SGSM3: variants seen among roughly 807,000 people sequenced by gnomAD.
The protein encoded by SGSM3 is RUN and SH3 containing 3.
Under a neutral mutation model 100.5 loss-of-function variants are expected in SGSM3, and 96 were observed. The ratio of observed to expected loss-of-function variants is 0.96; its 90% CI spans 0.81 to 1.13. SGSM3 has a LOEUF of 1.13. SGSM3 is among the 50% of genes most tolerant of loss of function. The pLI is 0.00. For synonymous variants in SGSM3, 483 were observed against 422.8 expected (o/e 1.14, Z -1.75); for missense variants, 1,001 against 1,015.8 (o/e 0.99, Z 0.20).
chr22:40,407,435 T>A lies in SGSM3; in HGVS notation c.1391T>A (p.Met464Lys). 6.2e-7 allele frequency: 1 copy of A among 1,612,842 alleles called. No individual in the cohort carries two copies. The highest frequency in any genetic ancestry group is 1.1e-5 in the South Asian group (1 of 91,072). ...CAGGAGCTGACTCCAGACTATAGCA[T>A]GGAGAGCCACCAGCGGGACCACGAG... Reference protein sequence around the residue: ...CSVELTPDYSMESHQRDHENY... With the variant: ...CSVELTPDYSKESHQRDHENY... The change falls in exon 13 of 22, where the codon ATG becomes AAG. Residue 464 changes from methionine to lysine, a missense_variant. Transcript: ENST00000248929. This position sits in a 1 kb window ranked among gnomAD's most constrained non-coding sequence, Gnocchi z 4.7.
At chr22:40,397,992 A>C (rs2050259031) in intron 1 of SGSM3, among the ~76,000 whole-genome samples, 1 of 68,190 alleles carries the variant, frequency 1.5e-5, no homozygotes, top group South Asian at 4.3e-4. Context: ...TTTTTTTTTG[A>C]GATGGAGTCT....
chr22:40,390,074 G>A (rs1389996908), intron 1 of SGSM3, among the ~76,000 whole-genome samples: 2 of 152,076 alleles, frequency 1.3e-5, no homozygotes, highest in South Asian at 4.1e-4. Context: ...TCACAGATAC[G>A]GAACAAGTCA....
chr22:40,404,712 C>A, intron 6 of SGSM3, 48 bp downstream of exon 6: 1 of 1,381,028 alleles, frequency 7.2e-7, no homozygotes, highest in Non-Finnish European at 1.0e-6. Context: ...TGTGTGGGCT[C>A]GCAGGAGAGA....
chr22:40,395,304 C>T (rs2049898424), intron 1 of SGSM3, among the ~76,000 whole-genome samples: 1 of 151,780 alleles, frequency 6.6e-6, no homozygotes, highest in Non-Finnish European at 1.5e-5. Context: ...TCTAAATAAG[C>T]ATTTAAATTA....
At chr22:40,388,732 A>G (rs2048863384) in intron 1 of SGSM3, among the ~76,000 whole-genome samples, 1 of 152,192 alleles carries the variant, frequency 6.6e-6, no homozygotes, top group Non-Finnish European at 1.5e-5. Flanking sequence ...TCAACTAGAA[A>G]GTAGCAACAG....
rs1387816961 is a variant in SGSM3 at position 40,390,715 on chromosome 22, A to G, written c.-111-9981A>G. On this transcript the variant is annotated intron_variant, in intron 1 of 21. Transcript: ENST00000248929. ...GGGTTTGTTGGGGGCCCAGAGGAAT[A>G]GGGGCACCTAACACAAACTAAAGGC... Among the ~76,000 whole-genome samples the G allele has an allele frequency of 2.6e-5, 4 of 152,224 alleles. No individual in the cohort carries two copies. The East Asian group carries it at 7.7e-4, about 29-fold the overall frequency.
chr22:40,373,850 G>A (rs769757903), intron 1 of SGSM3, among the ~76,000 whole-genome samples: 1 of 152,172 alleles, frequency 6.6e-6, no homozygotes, highest in East Asian at 1.9e-4. Context: ...TCTTGACCTC[G>A]TGATCCGCCC....
intron 1 of SGSM3, among the ~76,000 whole-genome samples, chr22:40,396,585 T>A (rs749057566): frequency 3.0e-4 from 39 of 131,446 alleles, no homozygotes; most frequent in South Asian, 1.3e-3. Flanking sequence ...AGAGTGAGAC[T>A]CTGTCTCAAA....
At chr22:40,380,916 C>T (rs961435453) in intron 1 of SGSM3, among the ~76,000 whole-genome samples, 6 of 152,068 alleles carry the variant, frequency 3.9e-5, no homozygotes, top group Non-Finnish European at 8.8e-5. Flanking sequence ...GCCTGGACAA[C>T]AGAGCAAGAC....
chr22:40,379,782 C>T (rs1210619380), intron 1 of SGSM3, among the ~76,000 whole-genome samples: 1 of 152,158 alleles, frequency 6.6e-6, no homozygotes, highest in African/African-American at 2.4e-5. Flanking sequence ...AATCTCCACT[C>T]ACTGCAACCT....
chr22:40,408,397 G>A lies in SGSM3; in HGVS notation c.1750G>A (p.Gly584Ser). 1 of 1,613,508 alleles carries A rather than the reference G, an allele frequency of 6.2e-7. No individual in the cohort carries two copies. The highest frequency in any genetic ancestry group is 8.5e-7 in the Non-Finnish European group (1 of 1,179,986). The change falls in exon 16 of 22, where the codon GGC becomes AGC. Residue 584 changes from glycine (G) to serine (S), a missense_variant. By Grantham distance (56) the Gly-to-Ser change is moderately conservative (BLOSUM62 0). Coordinates refer to ENST00000248929, the MANE Select transcript of SGSM3 (RefSeq NM_015705.6). ...ACTGAAGAAGCCATCCCTGCTTGGG[G>A]GCGCCTGCCACCCCTGGCTGTTTAT... ...HGLKKPSLLG[G>S]ACHPWLFIEE... is the part of the protein sequence containing the mutation.
At position 40,406,229 on chromosome 22, in the gene SGSM3, C is replaced by T; in HGVS notation, c.960+6C>T. 2.5e-6 allele frequency: 4 copies of T among 1,613,714 alleles called. No individual in the cohort carries two copies. The highest frequency in any genetic ancestry group is 3.4e-6 in the Non-Finnish European group (4 of 1,179,982). ...TGGGCATGCTGCACCTCAAGGTGCTCCACGGCCCCACTTCAGGCTGAGGAG... is the reference window on the plus strand; with the variant it reads ...TGGGCATGCTGCACCTCAAGGTGCTTCACGGCCCCACTTCAGGCTGAGGAG... On this transcript the variant is annotated splice_donor_region_variant and intron_variant, in intron 9 of 21. Coordinates refer to ENST00000248929, the MANE Select transcript of SGSM3 (RefSeq NM_015705.6).
chr22:40,406,356 G>C lies in SGSM3; in HGVS notation c.961-82G>C, dbSNP rs1025063998. ...ACTGTGCCAAGGCAAACGGGTCCCT[G>C]AGGATGGGGGTTGGGGTCAGCTCAG... On this transcript the variant is annotated intron_variant, in intron 9 of 21. Transcript: ENST00000248929. 2.0e-6 allele frequency: 3 copies of C among 1,496,630 alleles called. No individual in the cohort carries two copies. In the African/African-American group the frequency reaches 4.2e-5, roughly 21 times the overall value. The allele number at this position is 1,496,630 out of a possible 1,614,324, so 92.7% of individuals were successfully genotyped here. A position where few individuals can be genotyped will look rare whatever the true frequency, so the allele number is the denominator to read the frequency against.
intron 1 of SGSM3, among the ~76,000 whole-genome samples, chr22:40,374,399 T>C (rs955190697): frequency 1.3e-5 from 2 of 152,242 alleles, no homozygotes; most frequent in Admixed American, 1.3e-4. Flanking sequence ...AGGGAAAAGC[T>C]GTATCCACTG....
In SGSM3 at chr22:40,409,047, GC is replaced by G. The variant is rs764867185; in HGVS notation, c.1988+32del. 7.1e-6 allele frequency: 11 copies of G among 1,554,610 alleles called. No individual in the cohort carries two copies. The African/African-American group carries it at 1.4e-4, about 19-fold the overall frequency. On this transcript the variant is annotated intron_variant, in intron 19 of 21. Coordinates refer to ENST00000248929, the MANE Select transcript of SGSM3 (RefSeq NM_015705.6). Reference sequence around the variant, plus strand: ...AGTGTGGAAAAGGGGTTGGAGGAGAGCCCTGGAGTGGGGGGACCCAGCCCAG... The same window carrying G: ...AGTGTGGAAAAGGGGTTGGAGGAGAGCCTGGAGTGGGGGGACCCAGCCCAG...
chr22:40,380,586 C>G (rs183667395), intron 1 of SGSM3, among the ~76,000 whole-genome samples: 86 of 152,172 alleles, frequency 5.7e-4, no homozygotes, highest in African/African-American at 2.0e-3. Flanking sequence ...AGGCTGGTCT[C>G]GAACTCCTGA....
chr22:40,407,394 C>A lies in SGSM3; in HGVS notation c.1369-19C>A. On this transcript the variant is annotated intron_variant, in intron 12 of 21. Transcript: ENST00000248929. The surrounding 1 kb of genome is among the most constrained non-coding windows in gnomAD (Gnocchi z 4.7). ...TAACTCCTCCAACCCCCTTGGTGGG[C>A]CTGTGTTCACTGTGGCAGGAGCTGA... is the stretch of plus-strand genomic sequence containing the variant. 6.2e-7 allele frequency: 1 copy of A among 1,611,450 alleles called. No homozygotes were observed.
At chr22:40,380,227 A>G (rs909866220) in intron 1 of SGSM3, among the ~76,000 whole-genome samples, 2 of 152,056 alleles carry the variant, frequency 1.3e-5, no homozygotes, top group Non-Finnish European at 2.9e-5. Flanking sequence ...CTGTGTGTGT[A>G]TTTGTATGTG....
At chr22:40,393,912 G>A (rs938862391) in intron 1 of SGSM3, among the ~76,000 whole-genome samples, 5 of 152,116 alleles carry the variant, frequency 3.3e-5, no homozygotes, top group African/African-American at 1.2e-4. Context: ...CCTGAATTTT[G>A]GAGGGGACAC....
Sources: allele counts gnomAD v4.1 joint callset (sites outside exome capture counted in the v4.1 genomes callset), GRCh38; gene constraint gnomAD v4.1.1; non-coding constraint Gnocchi (gnomAD v3.1); transcripts MANE v1.5; gene names NCBI Gene and HGNC (gene_info 2026-07-23, HGNC 2026-07-21).